The following RBFOX1 variants were observed in gnomAD, a reference collection of about 807,000 sequenced individuals.
RBFOX1 encodes the protein RNA binding protein fox-1 homolog 1.
In RBFOX1, 8 loss-of-function variants were observed where a neutral mutation model predicts 57.7. The observed-to-expected ratio is 0.14, with a 90% confidence interval of 0.08 to 0.25. The LOEUF (loss-of-function observed/expected upper bound fraction) is 0.25. RBFOX1 is among the 10% of genes least tolerant of loss of function. The pLI is 1.00. For missense variants in RBFOX1, 611 were observed against 548.5 expected (o/e 1.11, Z -1.14); for synonymous variants, 326 against 222.4 (o/e 1.47, Z -4.15).
chr16:7,671,069 A>G (rs941195545), intron 13 of RBFOX1, among the ~76,000 whole-genome samples: 13 of 152,212 alleles, frequency 8.5e-5, no homozygotes, highest in Non-Finnish European at 2.9e-5. Flanking sequence ...ATGAACTGCA[A>G]TTTTGCTGTT....
At chr16:5,474,438 G>A (rs909871892) in intron 2 of RBFOX1, among the ~76,000 whole-genome samples, 2 of 152,170 alleles carry the variant, frequency 1.3e-5, no homozygotes, top group Admixed American at 1.3e-4. Context: ...CAGATCACCT[G>A]AGGTCAGGAG....
At chr16:6,713,175 C>A (rs1420802095) in intron 3 of RBFOX1, among the ~76,000 whole-genome samples, 5 of 152,038 alleles carry the variant, frequency 3.3e-5, no homozygotes, top group Non-Finnish European at 5.9e-5. Flanking sequence ...TTGTTCCCTC[C>A]CAGTCTTGCG....
At chr16:7,073,992 A>C (rs925349246) in intron 4 of RBFOX1, among the ~76,000 whole-genome samples, 1 of 152,224 alleles carries the variant, frequency 6.6e-6, no homozygotes, top group Non-Finnish European at 1.5e-5. Flanking sequence ...TTTCATTGGA[A>C]TATAGTCATT....
At chr16:7,035,750 T>C (rs554815722) in intron 3 of RBFOX1, among the ~76,000 whole-genome samples, 1 of 152,186 alleles carries the variant, frequency 6.6e-6, no homozygotes, top group Non-Finnish European at 1.5e-5. Flanking sequence ...CTGCTCATTG[T>C]TGCAGAACTT....
chr16:6,043,291 T>C (rs2084789), intron 1 of RBFOX1, among the ~76,000 whole-genome samples: 96,534 of 151,922 alleles, frequency 0.64, 31,066 homozygotes, highest in East Asian at 0.81. Flanking sequence ...CCACCGAATC[T>C]GTGCTAGATC....
intron 4 of RBFOX1, among the ~76,000 whole-genome samples, chr16:7,330,385 G>T (rs1023229535): frequency 8.2e-6 from 1 of 122,136 alleles, no homozygotes; most frequent in Non-Finnish European, 1.6e-5. Context: ...TGCAGGTGCA[G>T]AGGTTTTTTT....
At chr16:6,876,819 C>G (rs1385826065) in intron 3 of RBFOX1, among the ~76,000 whole-genome samples, 5 of 151,938 alleles carry the variant, frequency 3.3e-5, no homozygotes, top group Non-Finnish European at 1.5e-5. Context: ...TAAAACTGAC[C>G]GAAAGATGGA....
At chr16:5,502,306 G>T (rs965971380) in intron 2 of RBFOX1, among the ~76,000 whole-genome samples, 1 of 152,188 alleles carries the variant, frequency 6.6e-6, no homozygotes, top group African/African-American at 2.4e-5. Flanking sequence ...TCCCGTCCCT[G>T]TGTGACTTCT....
In RBFOX1 at chr16:5,351,808, C is replaced by T. The variant is rs140030122; in HGVS notation, c.219+111703C>T. 7.0e-3 allele frequency among the ~76,000 whole-genome samples: 1,060 copies of T among 152,100 alleles called. 16 individuals are homozygous for T. Among genetic ancestry groups the T allele is most frequent in the African/African-American group, 0.024 (1,014 of 41,504 alleles). On this transcript the variant is annotated intron_variant, in intron 1 of 2. Transcript: ENST00000585867. ...TAGGCTCTAAGTCTCCATTCTTCTT[C>T]TTCTTAATTTTTGAGACAGAGTTTC...
intron 4 of RBFOX1, among the ~76,000 whole-genome samples, chr16:7,244,688 T>A (rs1041131012): frequency 6.6e-6 from 1 of 152,200 alleles, no homozygotes; most frequent in Non-Finnish European, 1.5e-5. Flanking sequence ...GTGGGTACTT[T>A]CCAGTTTTCA....
chr16:7,339,490 T>A (rs1275418331), intron 4 of RBFOX1, among the ~76,000 whole-genome samples: 2 of 152,178 alleles, frequency 1.3e-5, no homozygotes, highest in Non-Finnish European at 2.9e-5. Context: ...GCCCAGGCTG[T>A]AGTGCAGTGG....
intron 1 of RBFOX1, among the ~76,000 whole-genome samples, chr16:6,194,502 C>T (rs1204047976): frequency 1.3e-5 from 2 of 152,188 alleles, no homozygotes; most frequent in African/African-American, 4.8e-5. Flanking sequence ...ATTTACAGTT[C>T]AGTGCACGTA....
intron 3 of RBFOX1, among the ~76,000 whole-genome samples, chr16:6,849,251 C>G (rs113579690): frequency 0.023 from 3,455 of 152,300 alleles, 135 homozygotes; most frequent in African/African-American, 0.077. Context: ...CTGAGGAAGT[C>G]TTTCCGTGGC....
intron 1 of RBFOX1, among the ~76,000 whole-genome samples, chr16:5,367,668 A>G (rs2065755870): frequency 1.3e-5 from 2 of 152,206 alleles, no homozygotes; most frequent in African/African-American, 4.8e-5. Context: ...AATTGTGCTC[A>G]ATACTTTATA....
chr16:6,648,312 C>T (rs1406055562), intron 2 of RBFOX1, among the ~76,000 whole-genome samples: 1 of 150,910 alleles, frequency 6.6e-6, no homozygotes, highest in African/African-American at 2.4e-5. Flanking sequence ...CCTCTGGACT[C>T]GGCCTCCCAA....
chr16:6,925,585 G>C (rs1307689367), intron 3 of RBFOX1, among the ~76,000 whole-genome samples: 1 of 151,838 alleles, frequency 6.6e-6, no homozygotes, highest in African/African-American at 2.4e-5. Flanking sequence ...ACTAGTTGGT[G>C]GCATAGAGGA....
At chr16:6,149,776 C>G (rs2096784815) in intron 1 of RBFOX1, among the ~76,000 whole-genome samples, 2 of 152,212 alleles carry the variant, frequency 1.3e-5, no homozygotes, top group African/African-American at 4.8e-5. Flanking sequence ...CTTACCTGCA[C>G]TTTAGCAATG....
intron 14 of RBFOX1, among the ~76,000 whole-genome samples, chr16:7,700,402 G>C (rs965211383): frequency 2.0e-5 from 3 of 152,124 alleles, no homozygotes; most frequent in Non-Finnish European, 4.4e-5. Flanking sequence ...AGATAGCTTA[G>C]CAAGAAGTAA....
At chr16:7,595,188 C>T (rs527833058) in intron 7 of RBFOX1, among the ~76,000 whole-genome samples, 2 of 152,112 alleles carry the variant, frequency 1.3e-5, no homozygotes, top group African/African-American at 4.8e-5. Flanking sequence ...AAAAGTGGTT[C>T]CCTTTTCTTT....
Sources: gnomAD v4.1 joint callset for allele counts (sites outside exome capture counted in the v4.1 genomes callset) on GRCh38, gnomAD v4.1.1 for gene constraint, MANE v1.5 for transcripts, NCBI Gene and HGNC (gene_info 2026-07-23, HGNC 2026-07-21) for gene names.